Variants in CYB5R4 observed in about 807,000 individuals in gnomAD.
CYB5R4 encodes the protein N-terminal cytochrome b5 and cytochrome b5 oxidoreductase domain-containing protein.
A neutral mutation model predicts 70.2 loss-of-function variants in CYB5R4; 55 were observed. The ratio of observed to expected loss-of-function variants is 0.78; its 90% CI spans 0.63 to 0.98. The LOEUF (loss-of-function observed/expected upper bound fraction) is 0.98, where lower values mean the gene tolerates loss of function less well. Among genes scored for constraint, CYB5R4 ranks in the 50% least tolerant of loss-of-function variants. The pLI, the probability that CYB5R4 is intolerant of heterozygous loss-of-function variation, is 0.00. For synonymous variants in CYB5R4, 197 were observed against 199.5 expected (o/e 0.99, Z 0.11); for missense variants, 562 against 612.6 (o/e 0.92, Z 0.87).
intron 14 of CYB5R4, among the ~76,000 whole-genome samples, chr6:83,946,575 G>T (rs897327523): frequency 1.3e-5 from 2 of 152,076 alleles, no homozygotes; most frequent in Non-Finnish European, 2.9e-5. Context: ...GGCCAGGGCA[G>T]TCAGGTAAGG....
chr6:83,946,879 G>A (rs1305180481), intron 14 of CYB5R4, among the ~76,000 whole-genome samples: 1 of 152,086 alleles, frequency 6.6e-6, no homozygotes, highest in Non-Finnish European at 1.5e-5. Flanking sequence ...CGTCTTCAAG[G>A]AGAACTGCAA....
chr6:83,912,747 G>C (rs2099464882), intron 4 of CYB5R4, among the ~76,000 whole-genome samples: 1 of 152,184 alleles, frequency 6.6e-6, no homozygotes, highest in Non-Finnish European at 1.5e-5. Flanking sequence ...GCTTGAAAGT[G>C]AAAAACAGTC....
At chr6:83,919,178 GT>G (rs1345212161) in intron 6 of CYB5R4, among the ~76,000 whole-genome samples, 1 of 152,128 alleles carries the variant, frequency 6.6e-6, no homozygotes. Context: ...TTTTACTCAA[GT>G]GGGAATACAT....
At chr6:83,878,455 C>G (rs1358815869) in intron 2 of CYB5R4, among the ~76,000 whole-genome samples, 1 of 152,024 alleles carries the variant, frequency 6.6e-6, no homozygotes, top group African/African-American at 2.4e-5. Flanking sequence ...TCACGCCATT[C>G]TTCTGCCTCA....
Position 83,917,874 on chromosome 6 carries a change from T to C in CYB5R4, c.446-131T>C, listed in dbSNP as rs61763821. ...CCTTTTGGCTAAGATCAAGTGAAAATATATTGAGTAGTACATTTGTGATTT... is the reference window on the plus strand; with the variant it reads ...CCTTTTGGCTAAGATCAAGTGAAAACATATTGAGTAGTACATTTGTGATTT... On this transcript the variant is annotated intron_variant, in intron 5 of 15. Coordinates refer to ENST00000369681, the MANE Select transcript of CYB5R4 (RefSeq NM_016230.4). The C allele has an allele frequency of 9.8e-3, 6,716 of 685,370 alleles. 51 individuals are homozygous for C. The highest frequency in any genetic ancestry group is 0.014 in the Non-Finnish European group (5,447 of 402,212). 42.5% of individuals were successfully genotyped at this position (685,370 alleles called of 1,614,324 possible).
chr6:83,926,505 A>G (rs1489876995), intron 10 of CYB5R4, among the ~76,000 whole-genome samples: 2 of 152,038 alleles, frequency 1.3e-5, no homozygotes, highest in African/African-American at 4.8e-5. Flanking sequence ...GTTTCTTTAG[A>G]TGGTCTTCCT....
chr6:83,953,743 T>C (rs1015715143), intron 14 of CYB5R4, among the ~76,000 whole-genome samples: 3 of 152,020 alleles, frequency 2.0e-5, no homozygotes, highest in Non-Finnish European at 4.4e-5. Context: ...TGTGAGAAAA[T>C]GAAGGAGGCA....
At chr6:83,882,111 C>T (rs1288227565) in intron 2 of CYB5R4, among the ~76,000 whole-genome samples, 4 of 152,072 alleles carry the variant, frequency 2.6e-5, no homozygotes, top group African/African-American at 9.7e-5. Flanking sequence ...ACAATCAAAA[C>T]TGGTGAAGAT....
At chr6:83,910,713 T>C (rs935101451) in intron 4 of CYB5R4, among the ~76,000 whole-genome samples, 1 of 152,134 alleles carries the variant, frequency 6.6e-6, no homozygotes, top group African/African-American at 2.4e-5. Flanking sequence ...CCTCTGATGA[T>C]AGGACAGGAA....
intron 2 of CYB5R4, among the ~76,000 whole-genome samples, chr6:83,875,878 T>C (rs1370634518): frequency 2.0e-5 from 3 of 152,210 alleles, no homozygotes; most frequent in Admixed American, 1.3e-4. Flanking sequence ...GTGGATACTA[T>C]TAATTTGTTC....
At chr6:83,914,309 C>A in intron 4 of CYB5R4, 107 bp from the exon 5 acceptor site, 1 of 1,218,092 alleles carries the variant, frequency 8.2e-7, no homozygotes, top group Non-Finnish European at 1.1e-6. Flanking sequence ...TAGAAGAAAG[C>A]CCTTCAAAAA....
intron 3 of CYB5R4, among the ~76,000 whole-genome samples, chr6:83,899,998 C>T (rs1283082691): frequency 6.6e-6 from 1 of 151,844 alleles, no homozygotes; most frequent in East Asian, 1.9e-4. Context: ...TTATTTCTTG[C>T]CTTCTGCTAG....
At chr6:83,909,503 A>C (rs1032417529) in intron 4 of CYB5R4, among the ~76,000 whole-genome samples, 6 of 152,128 alleles carry the variant, frequency 3.9e-5, no homozygotes, top group Non-Finnish European at 5.9e-5. Context: ...CCCTATTCTT[A>C]CTTTAAACTT....
chr6:83,883,709 T>A (rs1200395972), intron 2 of CYB5R4, among the ~76,000 whole-genome samples: 1 of 152,184 alleles, frequency 6.6e-6, no homozygotes, highest in Non-Finnish European at 1.5e-5. Flanking sequence ...TTCAGATATT[T>A]AGGAGGTGGT....
chr6:83,903,766 A>G (rs1030556244), intron 3 of CYB5R4, among the ~76,000 whole-genome samples: 1 of 151,780 alleles, frequency 6.6e-6, no homozygotes, highest in Non-Finnish European at 1.5e-5. Flanking sequence ...TCCTGATTCA[A>G]TCTTGATAGG....
At chr6:83,861,972 A>G (rs1176232511) in intron 1 of CYB5R4, among the ~76,000 whole-genome samples, 1 of 152,242 alleles carries the variant, frequency 6.6e-6, no homozygotes. Flanking sequence ...GTTTCCAAGC[A>G]CCTAGTGACT....
intron 13 of CYB5R4, 40 bp downstream of exon 13, chr6:83,940,246 T>A (rs1385157497): frequency 1.9e-6 from 3 of 1,555,440 alleles, no homozygotes; most frequent in Non-Finnish European, 1.7e-6. Context: ...TTTTTGAGGC[T>A]GTTATATTAG....
chr6:83,941,866 A>G (rs1183638442), intron 14 of CYB5R4, among the ~76,000 whole-genome samples: 1 of 152,224 alleles, frequency 6.6e-6, no homozygotes. Flanking sequence ...GGAAGCGTTT[A>G]TCAAGAAGCC....
chr6:83,871,040 G>A lies in CYB5R4; in HGVS notation c.229+6712G>A, dbSNP rs918371332. The stretch of plus-strand genomic sequence containing the variant: ...CACCCAGGCTGGAGTGCAATGGCAC[G>A]ATCTCGGCTCACTGCAACCTCCGTC... On this transcript the variant is annotated intron_variant, in intron 2 of 15. Coordinates refer to ENST00000369681, the MANE Select transcript of CYB5R4 (RefSeq NM_016230.4). 3.0e-5 allele frequency among the ~76,000 whole-genome samples: 4 copies of A among 134,034 alleles called. 1 individual carries two copies. Among genetic ancestry groups the A allele is most frequent in the Admixed American group, 8.4e-5 (1 of 11,852 alleles). The allele number at this position is 134,034 out of a possible 152,430, so 87.9% of individuals were successfully genotyped here. A position where few individuals can be genotyped will look rare whatever the true frequency, so the allele number is the denominator to read the frequency against.
Sources: allele counts gnomAD v4.1 joint callset (sites outside exome capture counted in the v4.1 genomes callset), GRCh38; gene constraint gnomAD v4.1.1; transcripts MANE v1.5; gene names NCBI Gene and HGNC (gene_info 2026-07-23, HGNC 2026-07-21).